PDE7B: variants seen among roughly 807,000 people sequenced by gnomAD.
PDE7B encodes the protein phosphodiesterase 7B.
In PDE7B, 29 loss-of-function variants were observed where a neutral mutation model predicts 56.2. The observed-to-expected ratio is 0.52, with a 90% CI of 0.38 to 0.70. The LOEUF is 0.70. Ranked by LOEUF, PDE7B falls within the 30% of genes least tolerant of loss-of-function variation. PDE7B has a pLI of 0.00. For missense variants in PDE7B, 490 were observed against 565.0 expected (o/e 0.87, Z 1.35); for synonymous variants, 197 against 196.9 (o/e 1.00, Z 0.00).
intron 2 of PDE7B, among the ~76,000 whole-genome samples, chr6:135,993,810 T>C (rs1465530138): frequency 6.6e-6 from 1 of 152,234 alleles, no homozygotes; most frequent in Non-Finnish European, 1.5e-5. Context: ...TTGAGTTTCC[T>C]ATCTTTCATA....
At chr6:136,061,978 C>T (rs74792964) in intron 2 of PDE7B, among the ~76,000 whole-genome samples, 93 of 152,262 alleles carry the variant, frequency 6.1e-4, no homozygotes, top group African/African-American at 2.0e-3. Context: ...CCTTATGGAG[C>T]GTGCGATCTA....
intron 1 of PDE7B, among the ~76,000 whole-genome samples, chr6:135,861,836 T>C (rs1775153694): frequency 6.6e-6 from 1 of 151,866 alleles, no homozygotes; most frequent in Admixed American, 6.6e-5. Context: ...TCATTTTACA[T>C]ATTCCTTGCT....
At chr6:136,137,042 T>A (rs1035877740) in intron 3 of PDE7B, among the ~76,000 whole-genome samples, 1 of 152,132 alleles carries the variant, frequency 6.6e-6, no homozygotes, top group African/African-American at 2.4e-5. Flanking sequence ...AAATGGTTTC[T>A]GACTTTGGGG....
chr6:135,998,530 G>A (rs1392662690), intron 2 of PDE7B, among the ~76,000 whole-genome samples: 3 of 152,160 alleles, frequency 2.0e-5, no homozygotes, highest in African/African-American at 4.8e-5. Context: ...GCCGAGGCGG[G>A]CAGATCACGA....
At chr6:136,007,501 T>A (rs1040753801) in intron 2 of PDE7B, among the ~76,000 whole-genome samples, 1 of 152,070 alleles carries the variant, frequency 6.6e-6, no homozygotes, top group African/African-American at 2.4e-5. Flanking sequence ...AAGGAACTAG[T>A]TGTGACACCC....
chr6:135,875,693 G>A (rs1211896927), intron 1 of PDE7B, among the ~76,000 whole-genome samples: 1 of 152,208 alleles, frequency 6.6e-6, no homozygotes, highest in African/African-American at 2.4e-5. Context: ...TGAAGGGTAT[G>A]TAAGTGGTAA....
chr6:136,075,325 G>A (rs142052944), intron 2 of PDE7B, among the ~76,000 whole-genome samples: 4 of 152,256 alleles, frequency 2.6e-5, no homozygotes, highest in Non-Finnish European at 4.4e-5. Context: ...AAAGTGCTAG[G>A]CAAAGCGTCC....
At chr6:136,033,276 TCA>T (rs538715500) in intron 2 of PDE7B, among the ~76,000 whole-genome samples, 3 of 152,206 alleles carry the variant, frequency 2.0e-5, no homozygotes, top group Non-Finnish European at 4.4e-5. Context: ...TTTGGAAAAT[TCA>T]CAGAGACAGT....
chr6:136,148,704 C>T (rs868475753), intron 4 of PDE7B, among the ~76,000 whole-genome samples: 1 of 152,070 alleles, frequency 6.6e-6, no homozygotes, highest in African/African-American at 2.4e-5. Flanking sequence ...GCACTCTTGG[C>T]GGTGTCTCTC....
At chr6:136,139,439 T>C (rs1234322858) in intron 3 of PDE7B, among the ~76,000 whole-genome samples, 1 of 152,196 alleles carries the variant, frequency 6.6e-6, no homozygotes, top group South Asian at 2.1e-4. Flanking sequence ...TACGTGTGCA[T>C]GTGTCTTTAG....
At chr6:136,006,210 TG>T (rs1477267269) in intron 2 of PDE7B, among the ~76,000 whole-genome samples, 2 of 60,286 alleles carry the variant, frequency 3.3e-5, no homozygotes, top group African/African-American at 7.1e-5. Context: ...TGTTGTGGGG[TG>T]GGGGGAGGGG....
At chr6:136,062,384 A>G (rs1776860049) in intron 2 of PDE7B, among the ~76,000 whole-genome samples, 1 of 152,194 alleles carries the variant, frequency 6.6e-6, no homozygotes, top group Non-Finnish European at 1.5e-5. Flanking sequence ...TGGTGGTAGG[A>G]ATATTTAAGA....
rs114152658 is a variant in PDE7B at position 135,999,664 on chromosome 6, C to T, written c.82+52140C>T. 9.2e-3 allele frequency among the ~76,000 whole-genome samples: 1,400 copies of T among 151,778 alleles called. 14 individuals are homozygous for T. Among genetic ancestry groups the T allele is most frequent in the Middle Eastern group, 0.034 (10 of 294 alleles). ...ACATTTTCCTTATCTAGTCTGTCACCGAGAGGCATTTAGGTTTATTCCATG... is the reference window on the plus strand; with the variant it reads ...ACATTTTCCTTATCTAGTCTGTCACTGAGAGGCATTTAGGTTTATTCCATG... On this transcript the variant is annotated intron_variant, in intron 2 of 12. Transcript: ENST00000308191.
chr6:135,880,083 T>C (rs558630280), intron 1 of PDE7B, among the ~76,000 whole-genome samples: 181 of 152,284 alleles, frequency 1.2e-3, no homozygotes, highest in African/African-American at 3.9e-3. Context: ...AAAATCACTC[T>C]TGTTTTCATA....
intron 8 of PDE7B, 49 bp downstream of exon 8, chr6:136,155,807 G>A (rs769833919): frequency 3.3e-5 from 53 of 1,593,330 alleles, no homozygotes; most frequent in Non-Finnish European, 4.1e-5. Flanking sequence ...AATCGCCTTA[G>A]GCCCGGTGCT....
chr6:136,159,025 C>T (rs1434259876), intron 8 of PDE7B, among the ~76,000 whole-genome samples: 3 of 152,190 alleles, frequency 2.0e-5, no homozygotes, highest in Non-Finnish European at 4.4e-5. Flanking sequence ...CATGACACAG[C>T]ATCCTTAAAA....
At chr6:136,099,386 C>A (rs564656993) in intron 2 of PDE7B, among the ~76,000 whole-genome samples, 1 of 152,276 alleles carries the variant, frequency 6.6e-6, no homozygotes, top group Non-Finnish European at 1.5e-5. Flanking sequence ...GTTTACATTC[C>A]CACCAACAGT....
At chr6:135,969,371 T>A (rs1167004369) in intron 2 of PDE7B, among the ~76,000 whole-genome samples, 6 of 152,184 alleles carry the variant, frequency 3.9e-5, no homozygotes, top group African/African-American at 1.4e-4. Context: ...TATTAAAATA[T>A]GCATTTTTCT....
chr6:136,194,238 T>G lies in PDE7B; in HGVS notation c.*2398T>G, dbSNP rs1324681980. ...AAGACACTATTTTAGCTAATGGGGT[T>G]TCTTGGGACTAAAAAATGGCTTTGT... On this transcript the variant is annotated 3_prime_UTR_variant, in exon 13 of 13. Coordinates refer to ENST00000308191, the MANE Select transcript of PDE7B (RefSeq NM_018945.4). 2 of 152,138 alleles carry G rather than the reference T, an allele frequency of 1.3e-5. No individual in the cohort carries two copies. Among genetic ancestry groups the G allele is most frequent in the African/African-American group, 4.8e-5 (2 of 41,444 alleles). 9.4% of individuals were successfully genotyped at this position (152,138 alleles called of 1,614,324 possible). A position where few individuals can be genotyped will look rare whatever the true frequency, so the allele number is the denominator to read the frequency against.
Sources: gnomAD v4.1 joint callset for allele counts (sites outside exome capture counted in the v4.1 genomes callset) on GRCh38, gnomAD v4.1.1 for gene constraint, MANE v1.5 for transcripts, NCBI Gene and HGNC (gene_info 2026-07-23, HGNC 2026-07-21) for gene names.